The following ZNF362 variants were observed in gnomAD, a reference collection of about 807,000 sequenced individuals.
ZNF362 encodes the protein zinc finger protein 362.
A neutral mutation model predicts 42.9 loss-of-function variants in ZNF362; 11 were observed. The observed-to-expected ratio is 0.26, with a 90% CI of 0.16 to 0.42. The LOEUF is 0.42. Ranked by LOEUF, ZNF362 falls within the 20% of genes least tolerant of loss-of-function variation. ZNF362 has a pLI of 1.00. For missense variants in ZNF362, 362 were observed against 576.2 expected, an observed-to-expected ratio of 0.63 and a Z score of 3.81; for synonymous variants, 255 against 257.3, an observed-to-expected ratio of 0.99 and a Z score of 0.09.
At chr1:33,161,190 G>A in the ZNF362 span, among the ~76,000 whole-genome samples, 1 of 152,218 alleles carries the variant, frequency 6.6e-6, no homozygotes, top group Admixed American at 6.5e-5. The surrounding 1 kb of genome is among the most constrained non-coding windows in gnomAD (Gnocchi z 4.3). Context: ...ATTGAAGACT[G>A]CAATTCTAAT....
chr1:33,190,040 A>G, the ZNF362 span, among the ~76,000 whole-genome samples: 3 of 152,206 alleles, frequency 2.0e-5, no homozygotes, highest in Admixed American at 6.5e-5. Context: ...GAATTCCCCA[A>G]CTATAGAAAT....
chr1:33,295,507 CT>C (rs1222254713), intron 8 of ZNF362, among the ~76,000 whole-genome samples: 1 of 152,236 alleles, frequency 6.6e-6, no homozygotes, highest in East Asian at 1.9e-4. Context: ...TCAGCTACCC[CT>C]GACCAAGCCC....
At chr1:33,181,023 A>G in the ZNF362 span, 1 of 1,323,612 alleles carries the variant, frequency 7.6e-7, no homozygotes, top group Non-Finnish European at 9.9e-7. The surrounding 1 kb of genome is among the most constrained non-coding windows in gnomAD (Gnocchi z 6.5). Flanking sequence ...CGGGTAGCGC[A>G]CCTGCAGCTC....
rs548249287 is a variant in ZNF362, at chr1:33,266,070, A to G, written c.-88-4417A>G. Among the ~76,000 whole-genome samples the G allele has an allele frequency of 1.3e-5, 2 of 152,230 alleles. No homozygotes were observed. Among genetic ancestry groups the G allele is most frequent in the Admixed American group, 1.3e-4 (2 of 15,306 alleles). On this transcript the variant is annotated intron_variant, in intron 1 of 8. Coordinates refer to ENST00000539719, the MANE Select transcript of ZNF362 (RefSeq NM_152493.3). This position sits in a 1 kb window ranked among gnomAD's most constrained non-coding sequence, Gnocchi z 4.3. ...TGAAGTCTGTTCTTCCCACAGTGAG[A>G]TGAGTTCACCCTCCTGAGAATGCTG...
chr1:33,223,807 C>T, the ZNF362 span, among the ~76,000 whole-genome samples: 6 of 151,234 alleles, frequency 4.0e-5, no homozygotes, highest in Admixed American at 2.0e-4. Flanking sequence ...GTGGGAGAAT[C>T]GCTTGAACCA....
At chr1:33,154,639 A>G in the ZNF362 span, among the ~76,000 whole-genome samples, 17 of 151,534 alleles carry the variant, frequency 1.1e-4, 1 homozygote, top group African/African-American at 4.1e-4. Flanking sequence ...CTCTACTAAA[A>G]ATACAAAAAT....
intron 2 of ZNF362, among the ~76,000 whole-genome samples, chr1:33,272,293 G>T (rs1645910078): frequency 6.6e-6 from 1 of 152,188 alleles, no homozygotes; most frequent in African/African-American, 2.4e-5. Context: ...TGGCTCACTT[G>T]TCTGCTTCCT....
the ZNF362 span, among the ~76,000 whole-genome samples, chr1:33,238,619 TTG>T: frequency 6.6e-6 from 1 of 152,024 alleles, no homozygotes; most frequent in African/African-American, 2.4e-5. Flanking sequence ...ATGGACTGAA[TTG>T]TGTCTCCCCA....
Position 33,283,096 on chromosome 1 carries a change from G to GT in ZNF362, c.908+1291dup, listed in dbSNP as rs569490997. 2.2e-4 allele frequency among the ~76,000 whole-genome samples: 34 copies of GT among 152,118 alleles called. No individual in the cohort carries two copies. In the South Asian group the frequency reaches 4.4e-3, roughly 20 times the overall value. On this transcript the variant is annotated intron_variant, in intron 6 of 8. Coordinates refer to ENST00000539719, the MANE Select transcript of ZNF362 (RefSeq NM_152493.3). ...TTGTAATTTACAGAAAGAATTCAAG[G>GT]TTTTTTCTGTTTTGAGGACTAATAC...
At chr1:33,221,931 A>C in the ZNF362 span, among the ~76,000 whole-genome samples, 1 of 152,100 alleles carries the variant, frequency 6.6e-6, no homozygotes, top group Non-Finnish European at 1.5e-5. Flanking sequence ...TGGAGGATTA[A>C]ATCATCCCAG....
chr1:33,128,625 T>C, the ZNF362 span, among the ~76,000 whole-genome samples: 1 of 152,152 alleles, frequency 6.6e-6, no homozygotes, highest in Admixed American at 6.5e-5. Flanking sequence ...ATGATCCTAA[T>C]TGCCTTTAAA....
chr1:33,193,785 T>C, the ZNF362 span, among the ~76,000 whole-genome samples: 8 of 152,330 alleles, frequency 5.3e-5, no homozygotes, highest in East Asian at 7.7e-4. Flanking sequence ...ACACCTGCCA[T>C]GTTCATAAAG....
At position 33,280,704 on chromosome 1, in the gene ZNF362, C is replaced by T. The variant is rs1396201443; in HGVS notation, c.683+247C>T. 1.3e-5 allele frequency among the ~76,000 whole-genome samples: 2 copies of T among 152,208 alleles called. No individual in the cohort carries two copies. The highest frequency in any genetic ancestry group is 2.4e-5 in the African/African-American group (1 of 41,432). On this transcript the variant is annotated intron_variant, in intron 5 of 8. Transcript: ENST00000539719. The surrounding 1 kb of genome is among the most constrained non-coding windows in gnomAD (Gnocchi z 5.6). ...GTGGTCTGTGGCTGGCAGCCACCCC[C>T]ACAGCCTGGGGTTGTGAGAGTCGGT...
the ZNF362 span, among the ~76,000 whole-genome samples, chr1:33,226,033 T>G: frequency 1.3e-5 from 2 of 152,144 alleles, no homozygotes; most frequent in South Asian, 4.1e-4. Context: ...TTAGACTGAT[T>G]ATGATTTGTC....
chr1:33,252,180 C>T (rs1160920208), upstream of ZNF362, among the ~76,000 whole-genome samples: 4 of 152,134 alleles, frequency 2.6e-5, no homozygotes, highest in Non-Finnish European at 5.9e-5. Flanking sequence ...TGGAGAAATA[C>T]GTCTTTACTA....
In ZNF362 at chr1:33,281,450, C is replaced by T. The variant is rs1645993631; in HGVS notation, c.684-137C>T. The T allele has an allele frequency of 2.6e-6, 2 of 779,130 alleles. No individual in the cohort carries two copies. Among genetic ancestry groups the T allele is most frequent in the Admixed American group, 5.0e-5 (2 of 40,346 alleles). 48.3% of individuals were successfully genotyped at this position (779,130 alleles called of 1,614,324 possible). The stretch of plus-strand genomic sequence containing the variant: ...GCTGGGAGACTGTCCCCTGTCTTTC[C>T]CAGGTGGTCCTGTGCTTCTTGGGCT... On this transcript the variant is annotated intron_variant, in intron 5 of 8. Coordinates refer to ENST00000539719, the MANE Select transcript of ZNF362 (RefSeq NM_152493.3). This position sits in a 1 kb window ranked among gnomAD's most constrained non-coding sequence, Gnocchi z 4.8.
the ZNF362 span, chr1:33,159,771 C>A: frequency 1.2e-6 from 2 of 1,613,766 alleles, no homozygotes; most frequent in Non-Finnish European, 1.7e-6. This position sits in a 1 kb window ranked among gnomAD's most constrained non-coding sequence, Gnocchi z 4.2. Context: ...GGGCTCCCTC[C>A]TGGACCTTGC....
At chr1:33,296,769 T>C (rs1329419020) in intron 8 of ZNF362, among the ~76,000 whole-genome samples, 5 of 151,822 alleles carry the variant, frequency 3.3e-5, no homozygotes, top group South Asian at 4.2e-4. Context: ...TTAGAAAAGT[T>C]TGGATATTTT....
the ZNF362 span, among the ~76,000 whole-genome samples, chr1:33,220,932 G>T: frequency 1.3e-5 from 2 of 152,150 alleles, no homozygotes; most frequent in African/African-American, 4.8e-5. Context: ...AATGAAACTG[G>T]TTGATGCTCT....
Sources: allele counts gnomAD v4.1 joint callset (sites outside exome capture counted in the v4.1 genomes callset), GRCh38; gene constraint gnomAD v4.1.1; non-coding constraint Gnocchi (gnomAD v3.1); transcripts MANE v1.5; gene names NCBI Gene and HGNC (gene_info 2026-07-23, HGNC 2026-07-21).